SLC23A2: variants seen among roughly 807,000 people sequenced by gnomAD.
The protein encoded by SLC23A2 is Na(+)/L-ascorbic acid transporter 2.
SLC23A2 carries 36 observed loss-of-function variants against 73.3 expected under a neutral mutation model. The ratio of observed to expected loss-of-function variants is 0.49; its 90% CI spans 0.38 to 0.65. The LOEUF is 0.65. Among genes scored for constraint, SLC23A2 ranks in the 30% least tolerant of loss-of-function variants. The probability of loss-of-function intolerance (pLI) is 0.00; values close to 1 mark genes in which losing one functional copy is unlikely to be tolerated. For missense variants in SLC23A2, 507 were observed against 841.6 expected (o/e 0.60, Z 4.92); for synonymous variants, 343 against 327.3 (o/e 1.05, Z -0.52).
chr20:4,906,047 A>G (rs1931940598), intron 4 of SLC23A2, among the ~76,000 whole-genome samples: 1 of 152,206 alleles, frequency 6.6e-6, no homozygotes, highest in Non-Finnish European at 1.5e-5. Flanking sequence ...GCCACAACAG[A>G]TCAGTTTTGG....
chr20:4,917,876 G>C (rs1568623709), intron 3 of SLC23A2, among the ~76,000 whole-genome samples: 1 of 152,178 alleles, frequency 6.6e-6, no homozygotes, highest in Admixed American at 6.5e-5. Flanking sequence ...AATAGTTCTT[G>C]CCTAAATGGT....
At chr20:4,971,209 G>A (rs1944481658) in intron 1 of SLC23A2, among the ~76,000 whole-genome samples, 1 of 151,208 alleles carries the variant, frequency 6.6e-6, no homozygotes, top group Admixed American at 6.6e-5. Context: ...GCTCACACCT[G>A]TAACCCCAGC....
At chr20:4,888,538 C>T (rs1440640446) in intron 6 of SLC23A2, among the ~76,000 whole-genome samples, 1 of 152,186 alleles carries the variant, frequency 6.6e-6, no homozygotes, top group Non-Finnish European at 1.5e-5. Context: ...TGTCGGGCTC[C>T]AGCCTCAGGA....
chr20:4,952,809 G>C (rs543646859), intron 2 of SLC23A2, among the ~76,000 whole-genome samples: 3 of 152,224 alleles, frequency 2.0e-5, no homozygotes, highest in Admixed American at 2.0e-4. Context: ...TGGATCACGA[G>C]GTCAGGAGTT....
intron 1 of SLC23A2, among the ~76,000 whole-genome samples, chr20:4,976,568 C>T (rs779007373): frequency 1.6e-4 from 25 of 151,810 alleles, no homozygotes; most frequent in African/African-American, 3.4e-4. Context: ...CCCAGCTACT[C>T]GGGAGGCTGA....
intron 2 of SLC23A2, among the ~76,000 whole-genome samples, chr20:4,948,513 G>A (rs1166891970): frequency 1.3e-5 from 2 of 152,120 alleles, no homozygotes; most frequent in Admixed American, 1.3e-4. Flanking sequence ...GAGCTCTGAG[G>A]GATTCACCTG....
chr20:4,974,474 TA>T (rs966606042), intron 1 of SLC23A2, among the ~76,000 whole-genome samples: 2 of 149,644 alleles, frequency 1.3e-5, no homozygotes, highest in African/African-American at 2.5e-5. Flanking sequence ...TCTCAAAAAA[TA>T]AAAAAAATAA....
intron 1 of SLC23A2, among the ~76,000 whole-genome samples, chr20:4,975,311 G>A (rs1221639318): frequency 2.0e-5 from 3 of 152,026 alleles, no homozygotes; most frequent in Admixed American, 6.6e-5. Flanking sequence ...TTGGTGCAGC[G>A]GTGAGTAAGA....
intron 1 of SLC23A2, among the ~76,000 whole-genome samples, chr20:4,974,455 G>A (rs545880190): frequency 2.6e-5 from 4 of 151,738 alleles, no homozygotes; most frequent in Admixed American, 2.0e-4. Context: ...CAAGAAGAGC[G>A]AAACTCCGTC....
At chr20:4,925,488 C>T (rs1449860985) in intron 3 of SLC23A2, among the ~76,000 whole-genome samples, 1 of 152,158 alleles carries the variant, frequency 6.6e-6, no homozygotes, top group Non-Finnish European at 1.5e-5. Flanking sequence ...CAGAGCCTCA[C>T]GCAAAGCAGG....
intron 9 of SLC23A2, among the ~76,000 whole-genome samples, chr20:4,876,608 C>G (rs1424491249): frequency 1.3e-5 from 2 of 152,214 alleles, no homozygotes. Context: ...GTCTACTCCA[C>G]TGGGTGCTTC....
rs544469775 is a variant in SLC23A2, at chr20:4,855,167, G to A, written c.*1805C>T. ...CAAAACAATGCAGTGGCTCCGAGGT[G>A]TTCTTGCCAGAATAAACCTTGAAGC... On this transcript the variant is annotated 3_prime_UTR_variant, in exon 17 of 17. Transcript: ENST00000338244. The A allele has an allele frequency of 2.0e-5, 3 of 152,730 alleles. No homozygotes were observed. The East Asian group carries it at 5.8e-4, about 29-fold the overall frequency. The allele number at this position is 152,730 out of a possible 1,614,324, so 9.5% of individuals were successfully genotyped here.
Position 4,862,710 on chromosome 20 carries a change from C to CA in SLC23A2, c.1486+67dup. 6.9e-7 allele frequency: 1 copy of CA among 1,441,622 alleles called. No individual in the cohort carries two copies. The highest frequency in any genetic ancestry group is 9.5e-7 in the Non-Finnish European group (1 of 1,050,720). The allele number at this position is 1,441,622 out of a possible 1,614,324, so 89.3% of individuals were successfully genotyped here. A position where few individuals can be genotyped will look rare whatever the true frequency, so the allele number is the denominator to read the frequency against. ...TTACCTTCTTACTGAAGGGAGTCAGCAAAAACACCATGACCCCTATTAAAA... is the reference window on the plus strand; with the variant it reads ...TTACCTTCTTACTGAAGGGAGTCAGCAAAAAACACCATGACCCCTATTAAAA... On this transcript the variant is annotated intron_variant, in intron 14 of 16. Transcript: ENST00000338244. The surrounding 1 kb of genome is among the most constrained non-coding windows in gnomAD (Gnocchi z 5.1).
At chr20:4,970,306 T>C (rs529410126) in intron 2 of SLC23A2, among the ~76,000 whole-genome samples, 1 of 152,330 alleles carries the variant, frequency 6.6e-6, no homozygotes, top group South Asian at 2.1e-4. Flanking sequence ...ACCTTATCAT[T>C]AGCATTAACC....
chr20:4,886,347 C>T (rs1255571524), intron 6 of SLC23A2, among the ~76,000 whole-genome samples: 11 of 152,194 alleles, frequency 7.2e-5, no homozygotes, highest in African/African-American at 2.7e-4. Flanking sequence ...ACAAATTTCC[C>T]TCCGTTGTTT....
At chr20:5,007,605 G>A (rs754556262) in intron 1 of SLC23A2, among the ~76,000 whole-genome samples, 1 of 152,116 alleles carries the variant, frequency 6.6e-6, no homozygotes. Context: ...TCACAAAGCT[G>A]TACAAGTACC....
intron 2 of SLC23A2, among the ~76,000 whole-genome samples, chr20:4,962,898 G>A (rs372239603): frequency 2.6e-5 from 4 of 152,184 alleles, no homozygotes; most frequent in Non-Finnish European, 4.4e-5. Flanking sequence ...TCAGGGGGCT[G>A]AGGCAGGAGA....
In SLC23A2 at chr20:4,983,604, C is replaced by T. The variant is rs567341788; in HGVS notation, c.-281-12685G>A. ...GAGTTTGCAGTGAGCCGAGACCGCG[C>T]CACTGCACTCCAGCCTGGGTGACAA... On this transcript the variant is annotated intron_variant, in intron 1 of 16. Coordinates refer to ENST00000338244, the MANE Select transcript of SLC23A2 (RefSeq NM_005116.6). Among the ~76,000 whole-genome samples, 245 of 149,422 alleles carry T rather than the reference C, an allele frequency of 1.6e-3. 1 individual carries two copies. The highest frequency in any genetic ancestry group is 5.9e-3 in the African/African-American group (238 of 40,558).
chr20:4,999,178 G>C (rs1470580619), intron 1 of SLC23A2, among the ~76,000 whole-genome samples: 1 of 152,062 alleles, frequency 6.6e-6, no homozygotes, highest in East Asian at 1.9e-4. Flanking sequence ...CAGAATATAG[G>C]TCCCCAAATA....
Sources: allele counts gnomAD v4.1 joint callset (sites outside exome capture counted in the v4.1 genomes callset), GRCh38; gene constraint gnomAD v4.1.1; non-coding constraint Gnocchi (gnomAD v3.1); transcripts MANE v1.5; gene names NCBI Gene and HGNC (gene_info 2026-07-23, HGNC 2026-07-21).